Variants in ZNF735 observed in about 807,000 individuals in gnomAD.
ZNF735 encodes the protein zinc finger protein 735, also known as putative zinc finger protein 735.
A neutral mutation model predicts 13.4 loss-of-function variants in ZNF735; 11 were observed. The ratio of observed to expected loss-of-function variants is 0.82; its 90% CI spans 0.52 to 1.36. The LOEUF (loss-of-function observed/expected upper bound fraction) is 1.36. Among genes scored for constraint, ZNF735 ranks in the 40% most tolerant of loss-of-function variants. The probability of loss-of-function intolerance (pLI) is 0.00; values close to 1 mark genes in which losing one functional copy is unlikely to be tolerated. For synonymous variants in ZNF735, 171 were observed against 162.6 expected, an observed-to-expected ratio of 1.05 and a Z score of -0.39; for missense variants, 500 against 484.6, an observed-to-expected ratio of 1.03 and a Z score of -0.30.
At chr7:64,216,736 G>A (rs1787426503) in intron 3 of ZNF735, among the ~76,000 whole-genome samples, 1 of 151,880 alleles carries the variant, frequency 6.6e-6, no homozygotes, top group Non-Finnish European at 1.5e-5. Context: ...CTCCTGAGTG[G>A]CTTGCACTAC....
intron 3 of ZNF735, among the ~76,000 whole-genome samples, chr7:64,214,852 G>A (rs141722383): frequency 1.8e-3 from 265 of 150,648 alleles, no homozygotes; most frequent in African/African-American, 6.1e-3. Flanking sequence ...ACTTTCATAG[G>A]TTTCAATTTC....
At chr7:64,218,054 T>C (rs1375679136) in intron 3 of ZNF735, among the ~76,000 whole-genome samples, 5 of 152,174 alleles carry the variant, frequency 3.3e-5, no homozygotes, top group Admixed American at 2.0e-4. Context: ...TGATCTTTTT[T>C]CATTATATTA....
intron 1 of ZNF735, among the ~76,000 whole-genome samples, chr7:64,210,034 G>A (rs1787337808): frequency 6.6e-6 from 1 of 152,052 alleles, no homozygotes; most frequent in South Asian, 2.1e-4. Context: ...AGAAACATAA[G>A]AATAAATAAA....
intron 3 of ZNF735, among the ~76,000 whole-genome samples, chr7:64,216,573 GA>G (rs1428377515): frequency 1.3e-5 from 2 of 151,612 alleles, no homozygotes; most frequent in African/African-American, 4.8e-5. Flanking sequence ...GCTTTGATTA[GA>G]AAACATACAC....
intron 3 of ZNF735, among the ~76,000 whole-genome samples, chr7:64,215,332 A>G (rs767875007): frequency 6.6e-6 from 1 of 152,206 alleles, no homozygotes; most frequent in African/African-American, 2.4e-5. Context: ...TTCTGGGATT[A>G]CATGAGTGAG....
chr7:64,212,780 G>T, intron 1 of ZNF735, among the ~76,000 whole-genome samples: 1 of 144,196 alleles, frequency 6.9e-6, no homozygotes, highest in East Asian at 2.1e-4. Context: ...AACAGAGTGA[G>T]ACTTGGTAAA....
intron 3 of ZNF735, among the ~76,000 whole-genome samples, chr7:64,218,908 C>T (rs895753812): frequency 2.0e-5 from 3 of 152,138 alleles, no homozygotes; most frequent in African/African-American, 7.2e-5. Context: ...TGGTCAGTAA[C>T]CACTTTCTAC....
exon 3 of ZNF735, chr7:64,214,088 A>G (rs1394759051): frequency 2.5e-6 from 4 of 1,600,528 alleles, no homozygotes; most frequent in Middle Eastern, 1.6e-4. Flanking sequence ...AAGAGAAATG[A>G]GATGGCAGCC....
exon 2 of ZNF735, chr7:64,213,182 G>C (rs1488723332): frequency 6.2e-7 from 1 of 1,611,468 alleles, no homozygotes; most frequent in Admixed American, 1.7e-5. Context: ...ATATAGAGAT[G>C]TGATGTTAGA....
intron 3 of ZNF735, among the ~76,000 whole-genome samples, chr7:64,218,372 C>T (rs1198489130): frequency 6.6e-6 from 1 of 151,484 alleles, no homozygotes; most frequent in Non-Finnish European, 1.5e-5. Context: ...ATTTTTGAAA[C>T]TTTGCTTAAA....
chr7:64,218,944 A>G (rs1044276795), intron 3 of ZNF735, among the ~76,000 whole-genome samples: 1 of 152,142 alleles, frequency 6.6e-6, no homozygotes. Context: ...ATGATAGTGC[A>G]GTCTTTCTGT....
At chr7:64,208,161 T>G (rs1460041626) in intron 1 of ZNF735, among the ~76,000 whole-genome samples, 1 of 151,810 alleles carries the variant, frequency 6.6e-6, no homozygotes, top group East Asian at 1.9e-4. Flanking sequence ...GAAAATTTAT[T>G]GGTTATGTCA....
intron 3 of ZNF735, among the ~76,000 whole-genome samples, chr7:64,218,404 T>C (rs1264944774): frequency 2.0e-5 from 3 of 152,132 alleles, no homozygotes; most frequent in Non-Finnish European, 4.4e-5. Context: ...GATCTTTTTG[T>C]GTATATCCTA....
intron 2 of ZNF735, 26 bp from the exon 3 acceptor site, chr7:64,213,987 G>A: frequency 1.9e-6 from 3 of 1,557,114 alleles, no homozygotes; most frequent in Non-Finnish European, 2.6e-6. Flanking sequence ...TAAGATTTAA[G>A]TTACTTTTTT....
intron 1 of ZNF735, among the ~76,000 whole-genome samples, chr7:64,209,823 C>G (rs1787335698): frequency 6.6e-6 from 1 of 152,058 alleles, no homozygotes; most frequent in Non-Finnish European, 1.5e-5. Context: ...CTTAACACTG[C>G]CTTAGCTGTA....
intron 1 of ZNF735, among the ~76,000 whole-genome samples, chr7:64,210,556 A>T (rs1787344691): frequency 6.6e-6 from 1 of 152,188 alleles, no homozygotes; most frequent in South Asian, 2.1e-4. Context: ...GGGGTTCAAG[A>T]TACATTCAGG....
At chr7:64,218,268 T>C (rs1339170132) in intron 3 of ZNF735, among the ~76,000 whole-genome samples, 1 of 152,084 alleles carries the variant, frequency 6.6e-6, no homozygotes, top group Non-Finnish European at 1.5e-5. Flanking sequence ...GAAATGTTTC[T>C]GTTGACAAAT....
At chr7:64,219,746 A>C (rs781618563) in exon 4 of ZNF735, 1 of 1,607,532 alleles carries the variant, frequency 6.2e-7, no homozygotes, top group Non-Finnish European at 8.5e-7. Context: ...ACTACACATA[A>C]AAGAATTCTT....
At chr7:64,215,885 T>G (rs1285370033) in intron 3 of ZNF735, among the ~76,000 whole-genome samples, 1 of 152,218 alleles carries the variant, frequency 6.6e-6, no homozygotes, top group Non-Finnish European at 1.5e-5. Flanking sequence ...TTTATTTGTC[T>G]TTGTGTGAAT....
Sources: gnomAD v4.1 joint callset for allele counts (sites outside exome capture counted in the v4.1 genomes callset) on GRCh38, gnomAD v4.1.1 for gene constraint, MANE v1.5 for transcripts, NCBI Gene and HGNC (gene_info 2026-07-23, HGNC 2026-07-21) for gene names.